Variants in DAPK1 observed in about 807,000 individuals in gnomAD.
DAPK1 encodes the protein death associated protein kinase 1.
DAPK1 carries 56 observed loss-of-function variants against 144.9 expected under a neutral mutation model. That is an observed-to-expected ratio of 0.39 (90% CI 0.31 to 0.48). The LOEUF is 0.48. Ranked by LOEUF, DAPK1 falls within the 20% of genes least tolerant of loss-of-function variation. The pLI is 0.95. For missense variants in DAPK1, 1,454 were observed against 1,875.4 expected, an observed-to-expected ratio of 0.78 and a Z score of 4.15; for synonymous variants, 690 against 749.0, an observed-to-expected ratio of 0.92 and a Z score of 1.29.
At chr9:87,669,323 TA>T (rs987092360) in intron 19 of DAPK1, among the ~76,000 whole-genome samples, 6 of 135,676 alleles carry the variant, frequency 4.4e-5, no homozygotes, top group African/African-American at 9.4e-5. Flanking sequence ...GTTTTACTAA[TA>T]GGAGTTTATT....
chr9:87,694,069 T>C (rs1305930869), intron 21 of DAPK1, among the ~76,000 whole-genome samples: 7 of 152,102 alleles, frequency 4.6e-5, no homozygotes, highest in African/African-American at 1.7e-4. Flanking sequence ...GCTCAAGTGC[T>C]GGTAGTAGTA....
chr9:87,525,708 G>C (rs549623561), intron 2 of DAPK1, among the ~76,000 whole-genome samples: 7 of 152,214 alleles, frequency 4.6e-5, no homozygotes, highest in Admixed American at 3.3e-4. Flanking sequence ...TCTTCCCACT[G>C]TGAGCTCTCT....
At chr9:87,641,537 A>G (rs1830094088) in intron 9 of DAPK1, among the ~76,000 whole-genome samples, 1 of 152,170 alleles carries the variant, frequency 6.6e-6, no homozygotes, top group African/African-American at 2.4e-5. Flanking sequence ...GTGGAGGACA[A>G]AAGCTAAATA....
intron 2 of DAPK1, among the ~76,000 whole-genome samples, chr9:87,549,942 G>T (rs1232332888): frequency 6.6e-6 from 1 of 152,090 alleles, no homozygotes; most frequent in Non-Finnish European, 1.5e-5. Context: ...TAAGTTGCAG[G>T]TGTCTGTATA....
intron 21 of DAPK1, among the ~76,000 whole-genome samples, chr9:87,692,468 A>G (rs924757824): frequency 3.3e-5 from 5 of 152,134 alleles, no homozygotes; most frequent in Non-Finnish European, 1.5e-5. Context: ...TAATTCATAT[A>G]CATTCAAGGT....
Position 87,681,601 on chromosome 9 carries a change from T to C in DAPK1, c.2199T>C (p.Pro733=). The change falls in exon 20 of 26, where the codon CCT becomes CCC. Residue 733 remains proline, a synonymous_variant. Transcript: ENST00000408954. ...LSSTNSSRFP[P]SPLASKPTVS... is the part of the protein sequence containing the mutation. ...CCACCAACTCCAGCAGGTTCCCACC[T>C]TCACCCCTGGCTTCTAAGCCCACAG... 1.9e-6 allele frequency: 3 copies of C among 1,603,090 alleles called. No individual in the cohort carries two copies. Among genetic ancestry groups the C allele is most frequent in the Non-Finnish European group, 2.6e-6 (3 of 1,169,918 alleles).
chr9:87,652,158 G>C (rs904839500), intron 17 of DAPK1, among the ~76,000 whole-genome samples: 3 of 144,332 alleles, frequency 2.1e-5, no homozygotes, highest in African/African-American at 7.9e-5. Context: ...TCCTGATTCT[G>C]TGTCCTCCCA....
chr9:87,663,000 G>A (rs572655909), intron 18 of DAPK1, among the ~76,000 whole-genome samples: 2 of 152,064 alleles, frequency 1.3e-5, no homozygotes, highest in South Asian at 2.1e-4. Flanking sequence ...CAGCACCTAC[G>A]CCTTCCTCCT....
chr9:87,566,253 C>T (rs747544585), intron 2 of DAPK1, among the ~76,000 whole-genome samples: 2 of 152,074 alleles, frequency 1.3e-5, no homozygotes, highest in Non-Finnish European at 2.9e-5. Flanking sequence ...GATCTCCTGA[C>T]CTTGTGATCC....
At chr9:87,605,321 C>G (rs1828677731) in intron 3 of DAPK1, 146 bp downstream of exon 3, 3 of 664,576 alleles carry the variant, frequency 4.5e-6, no homozygotes. Flanking sequence ...CAATGCCGTG[C>G]TGCCTGACCT....
intron 16 of DAPK1, 91 bp downstream of exon 16, chr9:87,650,209 A>C: frequency 7.5e-7 from 1 of 1,331,300 alleles, no homozygotes; most frequent in Non-Finnish European, 1.1e-6. Flanking sequence ...CCCTAAGATA[A>C]CAAACTTGAA....
At chr9:87,630,216 T>C (rs1861828) in intron 3 of DAPK1, among the ~76,000 whole-genome samples, 81,102 of 152,182 alleles carry the variant, frequency 0.53, 23,925 homozygotes, top group African/African-American at 0.78. Flanking sequence ...ATTTGTTACA[T>C]GGCAATAGAT....
intron 18 of DAPK1, among the ~76,000 whole-genome samples, chr9:87,667,491 A>G (rs1252260419): frequency 2.0e-5 from 3 of 152,234 alleles, no homozygotes; most frequent in Admixed American, 6.5e-5. Context: ...GAGGCACAAG[A>G]CAGGCCCAGC....
chr9:87,706,892 G>T lies in DAPK1; in HGVS notation c.3821G>T (p.Gly1274Val), dbSNP rs995329923. Residue 1274 changes from glycine to valine, a missense_variant, in exon 26 of 26, where the codon GGG becomes GTG. Physicochemically the swap from Gly to Val is moderately radical, Grantham distance 109 (BLOSUM62 -3). This residue lies in a region of DAPK1 where 1,025 missense variants were observed against 1,237.9 expected (regional missense o/e 0.83). Coordinates refer to ENST00000408954, the MANE Select transcript of DAPK1 (RefSeq NM_004938.4). This position sits in a 1 kb window ranked among gnomAD's most constrained non-coding sequence, Gnocchi z 9.0. ...KETSLTNTMG[G>V]YKESFSSIMC... is the part of the protein sequence containing the mutation. ...ACCTCACTGACCAACACCATGGGGG[G>T]GTACAAGGAAAGCTTCAGCAGCATC... 7 of 1,613,996 alleles carry T rather than the reference G, an allele frequency of 4.3e-6. No homozygotes were observed. In the Admixed American group the frequency reaches 1.0e-4, roughly 23 times the overall value.
intron 21 of DAPK1, among the ~76,000 whole-genome samples, chr9:87,691,813 T>G (rs557250569): frequency 6.6e-6 from 1 of 152,274 alleles, no homozygotes; most frequent in South Asian, 2.1e-4. Flanking sequence ...TGTTATCAAT[T>G]TCTAGTTTTA....
At chr9:87,642,207 T>C in intron 10 of DAPK1, 149 bp downstream of exon 10, 1 of 526,244 alleles carries the variant, frequency 1.9e-6, no homozygotes, top group South Asian at 4.4e-5. Context: ...GCACCATTAC[T>C]CTATTTTGAA....
intron 3 of DAPK1, among the ~76,000 whole-genome samples, chr9:87,606,216 C>A (rs1264955266): frequency 6.6e-6 from 1 of 152,122 alleles, no homozygotes; most frequent in Admixed American, 6.5e-5. Flanking sequence ...AGCTCCCAGG[C>A]GCCACCCTGC....
chr9:87,590,381 A>G (rs546435609), intron 2 of DAPK1, among the ~76,000 whole-genome samples: 24 of 149,772 alleles, frequency 1.6e-4, no homozygotes, highest in South Asian at 2.1e-4. Flanking sequence ...AAAAAAAAAA[A>G]AAAAGAAAAG....
intron 2 of DAPK1, among the ~76,000 whole-genome samples, chr9:87,595,476 A>G (rs780041075): frequency 6.6e-6 from 1 of 152,164 alleles, no homozygotes; most frequent in Non-Finnish European, 1.5e-5. Flanking sequence ...ACCCACTGCT[A>G]TCTTTCTAAT....
Sources: gnomAD v4.1 joint callset for allele counts (sites outside exome capture counted in the v4.1 genomes callset) on GRCh38, gnomAD v4.1.1 for gene constraint, gnomAD v4.1.1 regional missense constraint, Gnocchi (gnomAD v3.1) non-coding constraint, MANE v1.5 for transcripts, NCBI Gene and HGNC (gene_info 2026-07-23, HGNC 2026-07-21) for gene names.